The following ERC2 variants were observed in gnomAD, a reference collection of about 807,000 sequenced individuals.
The protein encoded by ERC2 is ERC protein 2.
ERC2 carries 42 observed loss-of-function variants against 114.8 expected under a neutral mutation model. That is an observed-to-expected ratio of 0.37 (90% CI 0.29 to 0.47). The LOEUF is 0.47. Among genes scored for constraint, ERC2 ranks in the 20% least tolerant of loss-of-function variants. The pLI, the probability that ERC2 is intolerant of heterozygous loss-of-function variation, is 0.99. For missense variants in ERC2, 939 were observed against 1,150.7 expected, an observed-to-expected ratio of 0.82 and a Z score of 2.66; for synonymous variants, 454 against 425.5, an observed-to-expected ratio of 1.07 and a Z score of -0.82.
At chr3:55,972,343 G>A (rs1393040568) in intron 12 of ERC2, among the ~76,000 whole-genome samples, 1 of 152,152 alleles carries the variant, frequency 6.6e-6, no homozygotes, top group African/African-American at 2.4e-5. Context: ...ATGTGCCATG[G>A]TGGTTTGCTG....
chr3:56,228,086 A>T (rs1248454403), intron 3 of ERC2, among the ~76,000 whole-genome samples: 1 of 152,204 alleles, frequency 6.6e-6, no homozygotes, highest in Non-Finnish European at 1.5e-5. Flanking sequence ...TACCTCGAGG[A>T]GACAATACTG....
chr3:56,206,145 G>T (rs1409075195), intron 3 of ERC2, among the ~76,000 whole-genome samples: 1 of 151,678 alleles, frequency 6.6e-6, no homozygotes, highest in Non-Finnish European at 1.5e-5. Context: ...GTCAGGGAAT[G>T]TTTAGTAACT....
At chr3:55,815,195 A>G (rs2059863915) in intron 14 of ERC2, among the ~76,000 whole-genome samples, 2 of 145,288 alleles carry the variant, frequency 1.4e-5, no homozygotes, top group Admixed American at 6.8e-5. Flanking sequence ...AAAGATGCCC[A>G]TTTAGAAATG....
At chr3:55,520,568 G>A (rs1365619838) in intron 17 of ERC2, among the ~76,000 whole-genome samples, 2 of 152,092 alleles carry the variant, frequency 1.3e-5, no homozygotes, top group African/African-American at 2.4e-5. Context: ...CCTAAAGTTC[G>A]TACCATTTTA....
At chr3:55,556,281 C>A (rs2055599985) in intron 17 of ERC2, among the ~76,000 whole-genome samples, 1 of 152,088 alleles carries the variant, frequency 6.6e-6, no homozygotes, top group African/African-American at 2.4e-5. Flanking sequence ...TGGATATTTC[C>A]ACTCTAACAA....
At chr3:55,932,615 C>T (rs757073893) in intron 13 of ERC2, among the ~76,000 whole-genome samples, 6 of 152,178 alleles carry the variant, frequency 3.9e-5, no homozygotes, top group Non-Finnish European at 7.3e-5. Flanking sequence ...CCTCATTTCA[C>T]AATCATCCCT....
At chr3:55,816,603 T>C (rs2059912225) in intron 14 of ERC2, among the ~76,000 whole-genome samples, 1 of 152,222 alleles carries the variant, frequency 6.6e-6, no homozygotes, top group Non-Finnish European at 1.5e-5. Context: ...ACTGCACTTA[T>C]GCCAGATGCA....
chr3:55,638,583 C>T (rs1389301861), intron 17 of ERC2, among the ~76,000 whole-genome samples: 1 of 152,122 alleles, frequency 6.6e-6, no homozygotes, highest in Admixed American at 6.6e-5. Context: ...AGAGATTCCC[C>T]AAAGAGTCAC....
At chr3:55,632,053 T>C (rs890314051) in intron 17 of ERC2, among the ~76,000 whole-genome samples, 1 of 152,220 alleles carries the variant, frequency 6.6e-6, no homozygotes, top group Non-Finnish European at 1.5e-5. Flanking sequence ...ATGCTTGACC[T>C]TGGAGTCTGC....
At chr3:56,238,470 T>A (rs934538256) in intron 3 of ERC2, among the ~76,000 whole-genome samples, 1 of 152,206 alleles carries the variant, frequency 6.6e-6, no homozygotes, top group Non-Finnish European at 1.5e-5. Flanking sequence ...CATTACCACC[T>A]GCTCAGGTTT....
intron 6 of ERC2, among the ~76,000 whole-genome samples, chr3:56,090,673 T>A (rs2077737494): frequency 1.3e-5 from 2 of 152,032 alleles, no homozygotes; most frequent in Non-Finnish European, 2.9e-5. Context: ...TTTCTTTTTT[T>A]TTTTTTTAGA....
At chr3:55,584,338 T>G (rs545764280) in intron 17 of ERC2, among the ~76,000 whole-genome samples, 1 of 152,290 alleles carries the variant, frequency 6.6e-6, no homozygotes, top group South Asian at 2.1e-4. Context: ...CTTAAAGTAT[T>G]AACAGGCATG....
intron 17 of ERC2, among the ~76,000 whole-genome samples, chr3:55,650,691 A>T (rs1449270282): frequency 3.3e-5 from 5 of 152,202 alleles, no homozygotes; most frequent in South Asian, 2.1e-4. Context: ...AACTTCAATT[A>T]AATGAATGAA....
intron 2 of ERC2, among the ~76,000 whole-genome samples, chr3:56,340,553 T>TGTGTGTGTGTGG (rs2058049279): frequency 6.9e-6 from 1 of 144,038 alleles, no homozygotes; most frequent in African/African-American, 2.5e-5. Context: ...TGTGTGTGTG[T>TGTGTGTGTGTGG]GTGTGTGTGT....
chr3:56,174,537 T>C lies in ERC2; in HGVS notation c.1075-1017A>G, dbSNP rs541991410. ...GTCAACATGGGGTAGTTCTAGACTTTCAGAACCACTGGATCACAAACATTT... is the reference window on the plus strand; with the variant it reads ...GTCAACATGGGGTAGTTCTAGACTTCCAGAACCACTGGATCACAAACATTT... On this transcript the variant is annotated intron_variant, in intron 3 of 17. Transcript: ENST00000288221. 5.9e-5 allele frequency among the ~76,000 whole-genome samples: 9 copies of C among 152,334 alleles called. No homozygotes were observed. In the East Asian group the frequency reaches 1.7e-3, roughly 29 times the overall value.
At chr3:56,187,768 A>G (rs2083714058) in intron 3 of ERC2, among the ~76,000 whole-genome samples, 1 of 152,202 alleles carries the variant, frequency 6.6e-6, no homozygotes, top group Non-Finnish European at 1.5e-5. Context: ...GAGATAGAGA[A>G]TGATGGGGGA....
chr3:56,240,410 T>G (rs1370247269), intron 3 of ERC2, among the ~76,000 whole-genome samples: 11 of 152,196 alleles, frequency 7.2e-5, no homozygotes, highest in Non-Finnish European at 1.6e-4. Context: ...TAAAAAAGCA[T>G]TTTCAATTTT....
chr3:55,916,287 G>A (rs1383105863), intron 13 of ERC2, among the ~76,000 whole-genome samples: 1 of 152,104 alleles, frequency 6.6e-6, no homozygotes, highest in African/African-American at 2.4e-5. Flanking sequence ...CTAGGTTTTT[G>A]GAAAGATTTA....
chr3:55,817,607 AC>A (rs2059954561), intron 14 of ERC2, among the ~76,000 whole-genome samples: 1 of 152,228 alleles, frequency 6.6e-6, no homozygotes, highest in Non-Finnish European at 1.5e-5. Flanking sequence ...CGGTTGAGGC[AC>A]TAATGTGTAG....
Sources: allele counts gnomAD v4.1 joint callset (sites outside exome capture counted in the v4.1 genomes callset), GRCh38; gene constraint gnomAD v4.1.1; transcripts MANE v1.5; gene names NCBI Gene and HGNC (gene_info 2026-07-23, HGNC 2026-07-21).